SETD7: variants seen among roughly 807,000 people sequenced by gnomAD.
SETD7 encodes histone-lysine N-methyltransferase SETD7.
SETD7 carries 16 observed loss-of-function variants against 41.8 expected under a neutral mutation model. The observed-to-expected ratio is 0.38, with a 90% CI of 0.26 to 0.58. The LOEUF (loss-of-function observed/expected upper bound fraction) is 0.58, where lower values mean the gene tolerates loss of function less well. SETD7 is among the 20% of genes least tolerant of loss of function. SETD7 has a pLI of 0.64. For missense variants in SETD7, 346 were observed against 459.7 expected, an observed-to-expected ratio of 0.75 and a Z score of 2.26; for synonymous variants, 163 against 169.7, an observed-to-expected ratio of 0.96 and a Z score of 0.31.
intron 2 of SETD7, among the ~76,000 whole-genome samples, chr4:139,543,462 C>T (rs761423584): frequency 6.6e-6 from 1 of 152,126 alleles, no homozygotes; most frequent in Non-Finnish European, 1.5e-5. Context: ...AAGATGAGGA[C>T]GACCTTTTGA....
chr4:139,528,931 A>G, intron 4 of SETD7, 100 bp downstream of exon 4: 1 of 1,024,600 alleles, frequency 9.8e-7, no homozygotes, highest in South Asian at 1.4e-5. Flanking sequence ...ACGATTAAAG[A>G]GAACTATACA....
Position 139,553,153 on chromosome 4 carries a change from C to T in SETD7, c.40+2945G>A, listed in dbSNP as rs375697805. Among the ~76,000 whole-genome samples the T allele has an allele frequency of 3.9e-5, 6 of 152,332 alleles. No individual in the cohort carries two copies. The East Asian group carries it at 1.2e-3, about 29-fold the overall frequency. On this transcript the variant is annotated intron_variant, in intron 1 of 7. Coordinates refer to ENST00000274031, the MANE Select transcript of SETD7 (RefSeq NM_030648.4). ...TCGACACAGCCTCCGCCACTCCCCT[C>T]ACCTCAGGGAATTGTCCACTCTGAG...
chr4:139,537,981 A>C (rs1013992056), intron 2 of SETD7, among the ~76,000 whole-genome samples: 1 of 152,218 alleles, frequency 6.6e-6, no homozygotes, highest in East Asian at 1.9e-4. Context: ...AGCAGCTATT[A>C]TTATTAAACA....
chr4:139,533,944 T>C (rs570672101), intron 2 of SETD7, among the ~76,000 whole-genome samples: 2 of 152,162 alleles, frequency 1.3e-5, no homozygotes, highest in African/African-American at 4.8e-5. Flanking sequence ...TATGGGGATT[T>C]ATTTAAGTAT....
rs1726768199 is a variant in SETD7, at chr4:139,508,399, T to C, written c.*3264A>G. The C allele has an allele frequency of 6.6e-6, 1 of 152,264 alleles. No homozygotes were observed. The highest frequency in any genetic ancestry group is 1.5e-5 in the Non-Finnish European group (1 of 68,050). 9.4% of individuals were successfully genotyped at this position (152,264 alleles called of 1,614,324 possible). On this transcript the variant is annotated 3_prime_UTR_variant, in exon 8 of 8. Coordinates refer to ENST00000274031, the MANE Select transcript of SETD7 (RefSeq NM_030648.4). Reference sequence around the variant, plus strand: ...GAACTCCTCACTGCTTTCTTTTTGATCCCATCATTCCTTTGTGTCGGAAAT... The same window carrying C: ...GAACTCCTCACTGCTTTCTTTTTGACCCCATCATTCCTTTGTGTCGGAAAT...
rs558925643 is a variant in SETD7 at position 139,538,568 on chromosome 4, A to G, written c.171-5202T>C. 3.9e-5 allele frequency among the ~76,000 whole-genome samples: 6 copies of G among 152,208 alleles called. No individual in the cohort carries two copies. In the South Asian group the frequency reaches 1.2e-3, roughly 32 times the overall value. On this transcript the variant is annotated intron_variant, in intron 2 of 7. Coordinates refer to ENST00000274031, the MANE Select transcript of SETD7 (RefSeq NM_030648.4). ...GGTCTCGAACTCCTGACCTCAAGTGATCCACCCGCCTCAGCCTGTGCTAGG... is the reference window on the plus strand; with the variant it reads ...GGTCTCGAACTCCTGACCTCAAGTGGTCCACCCGCCTCAGCCTGTGCTAGG...
chr4:139,527,266 A>C (rs2111144115), intron 4 of SETD7, among the ~76,000 whole-genome samples: 1 of 152,346 alleles, frequency 6.6e-6, no homozygotes, highest in East Asian at 1.9e-4. Context: ...AATATGATAT[A>C]ATCTTAGCTG....
At chr4:139,515,699 G>T (rs1297731308) in intron 7 of SETD7, among the ~76,000 whole-genome samples, 1 of 152,202 alleles carries the variant, frequency 6.6e-6, no homozygotes, top group Non-Finnish European at 1.5e-5. Context: ...TTCAGTGCTT[G>T]TTAAGGGCTG....
At chr4:139,512,188 C>G (rs953701777) in intron 7 of SETD7, among the ~76,000 whole-genome samples, 1 of 152,192 alleles carries the variant, frequency 6.6e-6, no homozygotes, top group Non-Finnish European at 1.5e-5. Flanking sequence ...AAAAATCTGT[C>G]GTTAATGAGA....
In SETD7 at chr4:139,526,285, T is replaced by A. The variant is rs1033104210; in HGVS notation, c.562+2746A>T. Reference sequence around the variant, plus strand: ...TCTCACTCTCAACAATTTTTTTTTTTTTTTTAAAGACAGGGTCTCACTCCT... The same window carrying A: ...TCTCACTCTCAACAATTTTTTTTTTATTTTTAAAGACAGGGTCTCACTCCT... On this transcript the variant is annotated intron_variant, in intron 4 of 7. Coordinates refer to ENST00000274031, the MANE Select transcript of SETD7 (RefSeq NM_030648.4). Among the ~76,000 whole-genome samples, 17 of 151,850 alleles carry A rather than the reference T, an allele frequency of 1.1e-4. 1 individual carries two copies. Among genetic ancestry groups the A allele is most frequent in the Non-Finnish European group, 2.5e-4 (17 of 67,960 alleles).
chr4:139,493,127 G>A (rs1456267506), downstream of SETD7, among the ~76,000 whole-genome samples: 1 of 152,164 alleles, frequency 6.6e-6, no homozygotes, highest in Non-Finnish European at 1.5e-5. Context: ...AGAAGACAGA[G>A]GAATAACAAA....
At chr4:139,548,769 C>T (rs925166344) in intron 1 of SETD7, among the ~76,000 whole-genome samples, 6 of 152,268 alleles carry the variant, frequency 3.9e-5, no homozygotes, top group African/African-American at 1.4e-4. Context: ...GAACATCTTA[C>T]AATAAGACAC....
chr4:139,497,350 G>A (rs928799927), intron 7 of SETD7, among the ~76,000 whole-genome samples: 29 of 152,016 alleles, frequency 1.9e-4, no homozygotes, highest in Admixed American at 1.7e-3. Context: ...AGCTACTCGG[G>A]AGGCTGAGGT....
At chr4:139,542,008 GAATA>G (rs1005515187) in intron 2 of SETD7, among the ~76,000 whole-genome samples, 3 of 152,122 alleles carry the variant, frequency 2.0e-5, no homozygotes, top group Non-Finnish European at 2.9e-5. Flanking sequence ...ACAGATGAAT[GAATA>G]AAGAAAATGT....
At chr4:139,546,754 C>G (rs1165443968) in intron 2 of SETD7, 166 bp downstream of exon 2, 1 of 867,742 alleles carries the variant, frequency 1.2e-6, no homozygotes, top group Non-Finnish European at 1.8e-6. Flanking sequence ...CCCATAACCA[C>G]AGGGTGACTT....
chr4:139,507,394 C>G lies in SETD7; in HGVS notation c.*4269G>C, dbSNP rs1027017411. On this transcript the variant is annotated 3_prime_UTR_variant, in exon 8 of 8. Transcript: ENST00000274031. The stretch of plus-strand genomic sequence containing the variant: ...CTCTCCACGTCAGGTGCAACAACGC[C>G]GAGGAAGTTGCTGAGAGTCAGAGTT... 6.6e-6 allele frequency: 1 copy of G among 152,478 alleles called. No homozygotes were observed. Among genetic ancestry groups the G allele is most frequent in the Non-Finnish European group, 1.5e-5 (1 of 68,028 alleles). 9.4% of individuals were successfully genotyped at this position (152,478 alleles called of 1,614,324 possible).
chr4:139,533,450 A>G (rs1413366404), intron 2 of SETD7, 84 bp from the exon 3 acceptor site: 3 of 1,194,192 alleles, frequency 2.5e-6, no homozygotes, highest in Non-Finnish European at 3.6e-6. Context: ...AAGGAACTGC[A>G]TGCCCAGCTG....
At chr4:139,501,955 G>A (rs1420899219), downstream of SETD7, among the ~76,000 whole-genome samples, 3 of 152,186 alleles carry the variant, frequency 2.0e-5, no homozygotes, top group Admixed American at 6.5e-5. Flanking sequence ...CAGAGCAGGC[G>A]GAGCAAAGTT....
chr4:139,522,878 C>T (rs1727222278), intron 5 of SETD7, among the ~76,000 whole-genome samples: 1 of 151,528 alleles, frequency 6.6e-6, no homozygotes, highest in Non-Finnish European at 1.5e-5. Flanking sequence ...CTCAGCCTCC[C>T]GAGTAGCTGG....
Sources: allele counts gnomAD v4.1 joint callset (sites outside exome capture counted in the v4.1 genomes callset), GRCh38; gene constraint gnomAD v4.1.1; transcripts MANE v1.5; gene names NCBI Gene and HGNC (gene_info 2026-07-23, HGNC 2026-07-21).